PDE11A: variants seen among roughly 807,000 people sequenced by gnomAD.
PDE11A encodes the protein phosphodiesterase 11A.
PDE11A carries 100 observed loss-of-function variants against 100.5 expected under a neutral mutation model. The observed-to-expected ratio is 1.00, with a 90% CI of 0.85 to 1.18. The LOEUF is 1.18. Among genes scored for constraint, PDE11A ranks in the 50% most tolerant of loss-of-function variants. The pLI, the probability that PDE11A is intolerant of heterozygous loss-of-function variation, is 0.00. For missense variants in PDE11A, 1,141 were observed against 1,152.6 expected, an observed-to-expected ratio of 0.99 and a Z score of 0.15; for synonymous variants, 381 against 420.8, an observed-to-expected ratio of 0.91 and a Z score of 1.16.
chr2:178,075,882 C>T (rs1395008737), upstream of PDE11A, among the ~76,000 whole-genome samples: 1 of 152,154 alleles, frequency 6.6e-6, no homozygotes, highest in East Asian at 1.9e-4. Flanking sequence ...TGAAGGGGTT[C>T]CTTTGGTAAA....
chr2:177,686,697 A>ATTTTTTTTTTTT (rs202225715), intron 15 of PDE11A: 9 of 124,052 alleles, frequency 7.3e-5, no homozygotes, highest in African/African-American at 2.6e-4. Context: ...GTACATGTAA[A>ATTTTTTTTTTTT]TTTTTTTTTT....
intron 2 of PDE11A, among the ~76,000 whole-genome samples, chr2:177,947,013 G>T (rs2085447229): frequency 1.6e-5 from 2 of 124,822 alleles, no homozygotes; most frequent in East Asian, 2.4e-4. Flanking sequence ...GAAGGAGGTG[G>T]GGGGGGTCAG....
chr2:177,762,531 T>C (rs934204234), intron 10 of PDE11A, among the ~76,000 whole-genome samples: 2 of 152,204 alleles, frequency 1.3e-5, no homozygotes, highest in African/African-American at 2.4e-5. Context: ...TGCTCTCCAC[T>C]GGACCTTCAG....
intron 19 of PDE11A, among the ~76,000 whole-genome samples, chr2:177,648,908 C>T (rs1389464277): frequency 6.6e-6 from 1 of 151,794 alleles, no homozygotes; most frequent in East Asian, 1.9e-4. Context: ...ATAGTGAGCT[C>T]CTATGGATCA....
chr2:178,094,782 A>G (rs1411595713), intron 2 of PDE11A, among the ~76,000 whole-genome samples: 1 of 152,208 alleles, frequency 6.6e-6, no homozygotes, highest in Non-Finnish European at 1.5e-5. Context: ...CAAGAAACTT[A>G]CCATGATGGT....
chr2:177,665,421 A>T (rs1336487558), intron 18 of PDE11A, among the ~76,000 whole-genome samples: 1 of 151,510 alleles, frequency 6.6e-6, no homozygotes, highest in Non-Finnish European at 1.5e-5. Flanking sequence ...TCGAGGCTGT[A>T]TTGAGCTACA....
At chr2:177,905,377 T>C (rs2084770904) in intron 2 of PDE11A, among the ~76,000 whole-genome samples, 190 bp from the exon 3 acceptor site, 1 of 152,206 alleles carries the variant, frequency 6.6e-6, no homozygotes. Flanking sequence ...TTAACTAAAA[T>C]ATGTTGTAAA....
chr2:177,679,761 G>A (rs796834265), intron 16 of PDE11A, among the ~76,000 whole-genome samples: 1 of 152,012 alleles, frequency 6.6e-6, no homozygotes, highest in Non-Finnish European at 1.5e-5. Flanking sequence ...GGTCTAGAAA[G>A]GTCATGATTA....
At chr2:178,025,792 G>C (rs1289244809) in intron 1 of PDE11A, among the ~76,000 whole-genome samples, 2 of 152,164 alleles carry the variant, frequency 1.3e-5, no homozygotes, top group Non-Finnish European at 2.9e-5. Context: ...GCCAGTACCT[G>C]AAGAAAGAGT....
chr2:177,697,311 A>G (rs2081127109), intron 15 of PDE11A, 21 bp downstream of exon 15: 1 of 1,193,680 alleles, frequency 8.4e-7, no homozygotes, highest in East Asian at 2.3e-5. Context: ...TTTGTCAAAC[A>G]GATCAAATGC....
intron 2 of PDE11A, among the ~76,000 whole-genome samples, chr2:177,991,816 G>C (rs1434234862): frequency 2.0e-5 from 3 of 151,020 alleles, no homozygotes; most frequent in Admixed American, 6.6e-5. Flanking sequence ...TCTATATAAA[G>C]AGCATTATCT....
intron 12 of PDE11A, among the ~76,000 whole-genome samples, chr2:177,715,440 A>G (rs2081422491): frequency 6.6e-6 from 1 of 151,970 alleles, no homozygotes; most frequent in Non-Finnish European, 1.5e-5. Context: ...CTTCAGCACA[A>G]TGAAGAAATT....
At chr2:177,648,317 C>A (rs1406724334) in intron 19 of PDE11A, among the ~76,000 whole-genome samples, 2 of 129,176 alleles carry the variant, frequency 1.5e-5, no homozygotes, top group Non-Finnish European at 3.5e-5. Context: ...TCCCCAAAAG[C>A]CAAAGATATG....
chr2:178,107,310 A>T (rs1167213192), intron 1 of PDE11A, among the ~76,000 whole-genome samples: 1 of 151,814 alleles, frequency 6.6e-6, no homozygotes, highest in Non-Finnish European at 1.5e-5. Flanking sequence ...GAAGGACAGG[A>T]AGAATATGAA....
At chr2:177,906,416 T>C (rs903738389) in intron 2 of PDE11A, among the ~76,000 whole-genome samples, 1 of 152,160 alleles carries the variant, frequency 6.6e-6, no homozygotes, top group African/African-American at 2.4e-5. Context: ...ACACAAAAGA[T>C]GAAGGGCAAT....
intron 15 of PDE11A, among the ~76,000 whole-genome samples, chr2:177,684,077 C>T (rs2080907278): frequency 6.6e-6 from 1 of 152,122 alleles, no homozygotes; most frequent in South Asian, 2.1e-4. Flanking sequence ...TAACAGTTTG[C>T]CCAGTTTTCT....
intron 2 of PDE11A, among the ~76,000 whole-genome samples, chr2:177,980,342 TTC>T (rs1384654850): frequency 6.6e-6 from 1 of 151,120 alleles, no homozygotes; most frequent in Admixed American, 6.6e-5. Flanking sequence ...CTAACCGTAA[TTC>T]TTTTTTAACT....
intron 5 of PDE11A, among the ~76,000 whole-genome samples, chr2:177,874,994 C>T (rs554257668): frequency 6.6e-6 from 1 of 152,094 alleles, no homozygotes; most frequent in African/African-American, 2.4e-5. Flanking sequence ...GAGGCCAAGA[C>T]GGGCAGATCA....
chr2:177,635,672 CCCTAGAGG>C (rs2080028232), intron 19 of PDE11A, among the ~76,000 whole-genome samples: 1 of 152,136 alleles, frequency 6.6e-6, no homozygotes, highest in East Asian at 1.9e-4. Flanking sequence ...CAGTTTCCTC[CCCTAGAGG>C]CAACAGATGT....
Sources: gnomAD v4.1 joint callset for allele counts (sites outside exome capture counted in the v4.1 genomes callset) on GRCh38, gnomAD v4.1.1 for gene constraint, MANE v1.5 for transcripts, NCBI Gene and HGNC (gene_info 2026-07-23, HGNC 2026-07-21) for gene names.